Variants in FSTL5 observed in about 807,000 individuals in gnomAD.
The protein encoded by FSTL5 is follistatin like 5.
Under a neutral mutation model 89.1 loss-of-function variants are expected in FSTL5, and 62 were observed. The observed-to-expected ratio is 0.70, with a 90% CI of 0.57 to 0.86. The LOEUF (loss-of-function observed/expected upper bound fraction) is 0.86, where lower values mean the gene tolerates loss of function less well. FSTL5 is among the 40% of genes least tolerant of loss of function. The pLI is 0.00. For missense variants in FSTL5, 1,057 were observed against 1,001.6 expected (o/e 1.06, Z -0.75); for synonymous variants, 383 against 346.2 (o/e 1.11, Z -1.18).
chr4:161,638,365 C>T (rs1735810966), intron 7 of FSTL5, among the ~76,000 whole-genome samples: 1 of 152,042 alleles, frequency 6.6e-6, no homozygotes, highest in South Asian at 2.1e-4. Context: ...AGATTTTGGG[C>T]TGAGACAATG....
intron 1 of FSTL5, among the ~76,000 whole-genome samples, chr4:162,156,370 G>A (rs943826036): frequency 1.1e-4 from 17 of 152,118 alleles, no homozygotes; most frequent in Non-Finnish European, 2.2e-4. Context: ...AATACTATTT[G>A]ACCCAATAAT....
chr4:161,995,129 G>C (rs1560959162), intron 3 of FSTL5, among the ~76,000 whole-genome samples: 1 of 151,982 alleles, frequency 6.6e-6, no homozygotes, highest in Admixed American at 6.6e-5. Flanking sequence ...GTTATTAATA[G>C]AGGTGTACTC....
At chr4:162,113,958 T>C (rs1485430943) in intron 1 of FSTL5, among the ~76,000 whole-genome samples, 3 of 152,184 alleles carry the variant, frequency 2.0e-5, no homozygotes. Context: ...CAGGAAATTG[T>C]TTGCTTTTAT....
chr4:161,875,199 A>G (rs1732403909), intron 4 of FSTL5, among the ~76,000 whole-genome samples: 1 of 152,156 alleles, frequency 6.6e-6, no homozygotes, highest in Admixed American at 6.5e-5. Flanking sequence ...CCAACTTCCT[A>G]GAACTAAATT....
chr4:161,579,471 ACTTTGGGAAGCCGAGGTGGG>A (rs1370308748), intron 8 of FSTL5, among the ~76,000 whole-genome samples: 6 of 152,158 alleles, frequency 3.9e-5, no homozygotes, highest in Admixed American at 3.3e-4. Context: ...TAATCCCAGC[ACTTTGGGAAGCCGAGGTGGG>A]CATATCACCT....
At chr4:161,422,238 G>A (rs1732014870) in intron 15 of FSTL5, among the ~76,000 whole-genome samples, 1 of 151,884 alleles carries the variant, frequency 6.6e-6, no homozygotes, top group South Asian at 2.1e-4. Context: ...ATAAATTTCT[G>A]TTGTAAAGGA....
chr4:161,941,109 G>GTTATA (rs1734569408), intron 3 of FSTL5, among the ~76,000 whole-genome samples: 1 of 151,784 alleles, frequency 6.6e-6, no homozygotes, highest in African/African-American at 2.4e-5. Flanking sequence ...ATAAATGTAA[G>GTTATA]AGTTTAATTT....
At chr4:161,611,921 A>G (rs1734669689) in intron 7 of FSTL5, among the ~76,000 whole-genome samples, 1 of 152,176 alleles carries the variant, frequency 6.6e-6, no homozygotes, top group Admixed American at 6.5e-5. Context: ...GGATGTCATG[A>G]GCACTTAATT....
At chr4:161,677,229 A>G (rs868686451) in intron 6 of FSTL5, among the ~76,000 whole-genome samples, 2 of 152,118 alleles carry the variant, frequency 1.3e-5, no homozygotes, top group Non-Finnish European at 2.9e-5. Flanking sequence ...TAATTTGCAT[A>G]TATTTCCAAA....
intron 13 of FSTL5, 24 bp downstream of exon 13, chr4:161,480,996 T>A (rs1174054125): frequency 6.5e-7 from 1 of 1,536,532 alleles, no homozygotes; most frequent in East Asian, 2.3e-5. Flanking sequence ...GATTTACTTT[T>A]TAAAAAGTAG....
intron 3 of FSTL5, among the ~76,000 whole-genome samples, chr4:161,976,121 A>AC (rs1199703826): frequency 6.2e-5 from 9 of 146,106 alleles, no homozygotes; most frequent in African/African-American, 2.2e-4. Flanking sequence ...CCGCCTCAAA[A>AC]AAAAAAAAAA....
chr4:161,535,726 C>T (rs1316715043), intron 10 of FSTL5, among the ~76,000 whole-genome samples: 2 of 152,036 alleles, frequency 1.3e-5, no homozygotes, highest in African/African-American at 4.8e-5. Flanking sequence ...CCCAGCAATC[C>T]CATTACTGGA....
intron 10 of FSTL5, among the ~76,000 whole-genome samples, chr4:161,516,206 G>T (rs573127700): frequency 6.7e-6 from 1 of 148,766 alleles, no homozygotes; most frequent in East Asian, 2.0e-4. Flanking sequence ...TTCTGCTTAT[G>T]TCCTCAGCTC....
intron 7 of FSTL5, among the ~76,000 whole-genome samples, chr4:161,620,397 G>C (rs1047012835): frequency 6.6e-6 from 1 of 152,116 alleles, no homozygotes; most frequent in Non-Finnish European, 1.5e-5. Flanking sequence ...GCTTACATCT[G>C]TAATCCCAGT....
chr4:161,467,775 T>C (rs1733796063), intron 13 of FSTL5, among the ~76,000 whole-genome samples: 2 of 152,062 alleles, frequency 1.3e-5, no homozygotes, highest in African/African-American at 4.8e-5. Flanking sequence ...ATGGAACTCA[T>C]TATCTAAAGA....
intron 15 of FSTL5, among the ~76,000 whole-genome samples, chr4:161,413,269 A>T (rs1219436715): frequency 1.4e-5 from 2 of 138,376 alleles, no homozygotes; most frequent in African/African-American, 5.3e-5. Flanking sequence ...AAAAAAAAAA[A>T]AAAAAAAAAA....
intron 10 of FSTL5, among the ~76,000 whole-genome samples, chr4:161,537,470 T>C (rs372456971): frequency 2.0e-5 from 3 of 152,156 alleles, no homozygotes; most frequent in East Asian, 3.9e-4. Flanking sequence ...TAATAGTAGT[T>C]TGAGTTCCAA....
intron 2 of FSTL5, among the ~76,000 whole-genome samples, chr4:162,091,551 G>A (rs1339547265): frequency 6.6e-6 from 1 of 152,066 alleles, no homozygotes; most frequent in East Asian, 1.9e-4. Flanking sequence ...AAACAGTTAT[G>A]CTAATGAAAC....
intron 11 of FSTL5, among the ~76,000 whole-genome samples, chr4:161,502,848 A>G (rs1004064233): frequency 6.6e-6 from 1 of 151,870 alleles, no homozygotes; most frequent in Non-Finnish European, 1.5e-5. Flanking sequence ...AAATGACCTG[A>G]TGATGGAGAT....
Sources: gnomAD v4.1 joint callset for allele counts (sites outside exome capture counted in the v4.1 genomes callset) on GRCh38, gnomAD v4.1.1 for gene constraint, MANE v1.5 for transcripts, NCBI Gene and HGNC (gene_info 2026-07-23, HGNC 2026-07-21) for gene names.